Variants in FNDC3B observed in about 807,000 individuals in gnomAD.
The protein encoded by FNDC3B is fibronectin type III domain containing 3B.
In FNDC3B, 12 loss-of-function variants were observed where a neutral mutation model predicts 151.5. The ratio of observed to expected loss-of-function variants is 0.08; its 90% CI spans 0.05 to 0.13. The LOEUF is 0.13. FNDC3B is among the 10% of genes least tolerant of loss of function. The probability of loss-of-function intolerance (pLI) is 1.00; values close to 1 mark genes in which losing one functional copy is unlikely to be tolerated. For synonymous variants in FNDC3B, 528 were observed against 549.0 expected, an observed-to-expected ratio of 0.96 and a Z score of 0.54; for missense variants, 1,214 against 1,505.3, an observed-to-expected ratio of 0.81 and a Z score of 3.20.
intron 23 of FNDC3B, among the ~76,000 whole-genome samples, 176 bp from the exon 24 acceptor site, chr3:172,378,094 A>G (rs962433292): frequency 1.3e-5 from 2 of 152,334 alleles, no homozygotes; most frequent in South Asian, 2.1e-4. Flanking sequence ...TTTTATCAAA[A>G]CATACATTTA....
intron 3 of FNDC3B, among the ~76,000 whole-genome samples, chr3:172,226,641 A>T (rs1726596386): frequency 6.6e-6 from 1 of 152,170 alleles, no homozygotes; most frequent in Non-Finnish European, 1.5e-5. Context: ...ATATTTATAA[A>T]GATACTTATA....
At chr3:172,221,265 C>T (rs1726264618) in intron 3 of FNDC3B, among the ~76,000 whole-genome samples, 1 of 152,082 alleles carries the variant, frequency 6.6e-6, no homozygotes, top group Non-Finnish European at 1.5e-5. Flanking sequence ...ATTTGGATGC[C>T]TTTCTTTTTC....
Position 172,397,253 on chromosome 3 carries a change from T to C in FNDC3B, c.3393T>C (p.Cys1131=), listed in dbSNP as rs1235106254. 6.2e-7 allele frequency: 1 copy of C among 1,614,206 alleles called. No homozygotes were observed. The highest frequency in any genetic ancestry group is 8.5e-7 in the Non-Finnish European group (1 of 1,180,036). Residue 1131 remains cysteine (C), a synonymous_variant, in exon 26 of 26, where the codon TGT becomes TGC. Transcript: ENST00000415807. ...TCCGCGTATGTGCGTGTCGTCGCTG[T>C]TTAGACACCTCTCAGGAGCTAAGCG... is the stretch of plus-strand genomic sequence containing the variant. ...YRFRVCACRR[C]LDTSQELSGA...
intron 23 of FNDC3B, among the ~76,000 whole-genome samples, chr3:172,373,456 A>G (rs910947392): frequency 1.3e-5 from 2 of 152,142 alleles, no homozygotes; most frequent in African/African-American, 4.8e-5. Flanking sequence ...AGCTCGACAA[A>G]TGCTGTTCTC....
chr3:172,130,152 T>C (rs906591445), intron 2 of FNDC3B, among the ~76,000 whole-genome samples: 2 of 152,138 alleles, frequency 1.3e-5, no homozygotes, highest in Non-Finnish European at 2.9e-5. Flanking sequence ...GGACCGGTCA[T>C]TGGGCTGGTG....
chr3:172,235,391 T>C (rs139148268), intron 4 of FNDC3B, among the ~76,000 whole-genome samples: 21 of 152,346 alleles, frequency 1.4e-4, no homozygotes, highest in African/African-American at 4.8e-4. Flanking sequence ...ACTGAGATCA[T>C]GGTCCCCTGA....
At chr3:172,368,244 T>C (rs1324409756) in intron 23 of FNDC3B, among the ~76,000 whole-genome samples, 5 of 147,262 alleles carry the variant, frequency 3.4e-5, no homozygotes, top group African/African-American at 1.3e-4. Flanking sequence ...CACTACAGCT[T>C]GGGCAACAGA....
intron 1 of FNDC3B, among the ~76,000 whole-genome samples, chr3:172,069,590 C>T (rs1276888510): frequency 2.0e-5 from 3 of 152,128 alleles, no homozygotes; most frequent in South Asian, 2.1e-4. Flanking sequence ...ACTGGTTTGC[C>T]TTAGTTTCTC....
intron 4 of FNDC3B, among the ~76,000 whole-genome samples, chr3:172,234,444 GGAGA>G (rs1244683767): frequency 6.6e-6 from 1 of 152,144 alleles, no homozygotes; most frequent in East Asian, 1.9e-4. Flanking sequence ...GGAGGGAAGC[GGAGA>G]GAGGAAAGTG....
intron 21 of FNDC3B, among the ~76,000 whole-genome samples, chr3:172,348,160 T>C (rs1384489048): frequency 6.6e-6 from 1 of 152,260 alleles, no homozygotes; most frequent in Non-Finnish European, 1.5e-5. Flanking sequence ...TGAAGAGCTC[T>C]GTCTTCATAC....
At chr3:172,065,894 A>G (rs967523806) in intron 1 of FNDC3B, among the ~76,000 whole-genome samples, 4 of 151,906 alleles carry the variant, frequency 2.6e-5, no homozygotes, top group African/African-American at 9.7e-5. Flanking sequence ...GTTGCTTTAG[A>G]GTTATGAGTC....
At chr3:172,167,977 G>A (rs999502191) in intron 3 of FNDC3B, among the ~76,000 whole-genome samples, 5 of 152,174 alleles carry the variant, frequency 3.3e-5, no homozygotes, top group Non-Finnish European at 7.3e-5. Flanking sequence ...AGATCATTTC[G>A]AGTTACACCT....
intron 3 of FNDC3B, among the ~76,000 whole-genome samples, chr3:172,190,116 G>T (rs1285768245): frequency 6.6e-6 from 1 of 152,178 alleles, no homozygotes; most frequent in Non-Finnish European, 1.5e-5. Context: ...TCTTGCTGGA[G>T]CCTTGCTAGA....
intron 3 of FNDC3B, among the ~76,000 whole-genome samples, chr3:172,185,329 T>G (rs1209720626): frequency 6.6e-6 from 1 of 152,218 alleles, no homozygotes; most frequent in Non-Finnish European, 1.5e-5. Flanking sequence ...TGTACCCATT[T>G]ATTGGCCTGA....
At chr3:172,195,005 C>T (rs1303959359) in intron 3 of FNDC3B, among the ~76,000 whole-genome samples, 1 of 152,090 alleles carries the variant, frequency 6.6e-6, no homozygotes, top group African/African-American at 2.4e-5. Flanking sequence ...AAGGTTATAA[C>T]TAATTTTTCT....
In FNDC3B at chr3:172,274,712, G is replaced by A. The variant is rs1729354599; in HGVS notation, c.791-11214G>A. 2.6e-5 allele frequency among the ~76,000 whole-genome samples: 4 copies of A among 152,134 alleles called. No homozygotes were observed. In the South Asian group the frequency reaches 8.3e-4, roughly 31 times the overall value. On this transcript the variant is annotated intron_variant, in intron 6 of 25. Transcript: ENST00000415807. ...TAGAAGTCAGACTGCAGTGTTGGCA[G>A]GGTTGGTCCTTCAGGGCCATGAGGG...
intron 22 of FNDC3B, among the ~76,000 whole-genome samples, chr3:172,354,451 C>T (rs541141955): frequency 4.0e-5 from 6 of 150,230 alleles, no homozygotes; most frequent in South Asian, 4.3e-4. Flanking sequence ...TTGGTATGCC[C>T]GTATCAGTAA....
At chr3:172,235,651 A>G (rs1311811553) in intron 4 of FNDC3B, among the ~76,000 whole-genome samples, 1 of 152,244 alleles carries the variant, frequency 6.6e-6, no homozygotes, top group African/African-American at 2.4e-5. Flanking sequence ...TTGAGTAACC[A>G]TGAAAAATAT....
intron 3 of FNDC3B, among the ~76,000 whole-genome samples, chr3:172,206,419 G>A (rs191688167): frequency 3.3e-4 from 50 of 152,236 alleles, no homozygotes; most frequent in Middle Eastern, 3.4e-3. Context: ...AGCACTTTGG[G>A]AGGCCAAGGC....
Sources: allele counts gnomAD v4.1 joint callset (sites outside exome capture counted in the v4.1 genomes callset), GRCh38; gene constraint gnomAD v4.1.1; transcripts MANE v1.5; gene names NCBI Gene and HGNC (gene_info 2026-07-23, HGNC 2026-07-21).